ASAP1: variants seen among roughly 807,000 people sequenced by gnomAD.
ASAP1 encodes the protein arf-GAP with SH3 domain, ANK repeat and PH domain-containing protein 1.
A neutral mutation model predicts 145.2 loss-of-function variants in ASAP1; 43 were observed. That is an observed-to-expected ratio of 0.30 (90% CI 0.23 to 0.38). The LOEUF (loss-of-function observed/expected upper bound fraction) is 0.38. ASAP1 is among the 10% of genes least tolerant of loss of function. The pLI is 1.00. For synonymous variants in ASAP1, 546 were observed against 515.5 expected (o/e 1.06, Z -0.80); for missense variants, 1,018 against 1,355.3 (o/e 0.75, Z 3.91).
At position 130,128,251 on chromosome 8, in the gene ASAP1, C is replaced by T. The variant is rs1281924062; in HGVS notation, c.1218-161G>A. On this transcript the variant is annotated intron_variant, in intron 15 of 29. Transcript: ENST00000518721. The stretch of plus-strand genomic sequence containing the variant: ...AAAATAGCAATAAAGTGAGGAAAAA[C>T]AAAGAAATCAAACTTGAAGGAAGGT... Among the ~76,000 whole-genome samples the T allele has an allele frequency of 8.6e-5, 10 of 115,848 alleles. No homozygotes were observed. The Admixed American group carries it at 9.7e-4, about 11-fold the overall frequency. The allele number at this position is 115,848 out of a possible 152,430, so 76.0% of individuals were successfully genotyped here.
intron 3 of ASAP1, among the ~76,000 whole-genome samples, chr8:130,279,680 T>C (rs529610692): frequency 1.2e-4 from 18 of 152,222 alleles, no homozygotes; most frequent in Non-Finnish European, 1.9e-4. Context: ...TCTTTCTCTA[T>C]TGTAAAAATA....
Position 130,112,517 on chromosome 8 carries a change from T to C in ASAP1, c.2173-195A>G, listed in dbSNP as rs1227685478. On this transcript the variant is annotated intron_variant, in intron 23 of 29. Transcript: ENST00000518721. The stretch of plus-strand genomic sequence containing the variant: ...TCTAGATACCACACTTTCATATCGT[T>C]CACCACTATGAATAATCACACTAGT... The C allele has an allele frequency of 1.8e-5, 10 of 543,216 alleles. No individual in the cohort carries two copies. The East Asian group carries it at 2.8e-4, about 15-fold the overall frequency. 33.6% of individuals were successfully genotyped at this position (543,216 alleles called of 1,614,324 possible). A position where few individuals can be genotyped will look rare whatever the true frequency, so the allele number is the denominator to read the frequency against.
At chr8:130,305,893 A>C (rs1422916733) in intron 3 of ASAP1, among the ~76,000 whole-genome samples, 3 of 152,176 alleles carry the variant, frequency 2.0e-5, no homozygotes, top group Admixed American at 2.0e-4. Context: ...TAGTGCCAAG[A>C]ACTTCACATC....
intron 3 of ASAP1, among the ~76,000 whole-genome samples, chr8:130,309,384 A>T (rs1251982288): frequency 6.6e-6 from 1 of 152,232 alleles, no homozygotes; most frequent in Non-Finnish European, 1.5e-5. Context: ...GCAAGGTATC[A>T]GAGAAGACTT....
At position 130,358,403 on chromosome 8, in the gene ASAP1, G is replaced by C. The variant is rs1274982261; in HGVS notation, c.60-260C>G. ...GCGCGCGAGGCAGGGGGCTCTCCGG[G>C]ACCCGCCTCCCTCTGCTCATGCCGG... On this transcript the variant is annotated intron_variant, in intron 2 of 29. Coordinates refer to ENST00000518721, the MANE Select transcript of ASAP1 (RefSeq NM_018482.4). The surrounding 1 kb of genome is among the most constrained non-coding windows in gnomAD (Gnocchi z 4.1). Among the ~76,000 whole-genome samples, 3 of 148,346 alleles carry C rather than the reference G, an allele frequency of 2.0e-5. No individual in the cohort carries two copies. Among genetic ancestry groups the C allele is most frequent in the East Asian group, 3.9e-4 (2 of 5,102 alleles).
chr8:130,296,279 G>C (rs555443311), intron 3 of ASAP1, among the ~76,000 whole-genome samples: 140 of 152,330 alleles, frequency 9.2e-4, no homozygotes, highest in Non-Finnish European at 1.6e-3. Flanking sequence ...ACCAGAAAAA[G>C]TAGATGTTTG....
At chr8:130,359,453 A>G (rs532509522) in intron 2 of ASAP1, among the ~76,000 whole-genome samples, 28 of 152,262 alleles carry the variant, frequency 1.8e-4, no homozygotes, top group East Asian at 9.6e-4. Flanking sequence ...AGAAGAAGAA[A>G]AAAAAAGCTA....
At chr8:130,220,133 C>CAAGAATGAAATAATAT (rs1320263888) in intron 4 of ASAP1, among the ~76,000 whole-genome samples, 2 of 151,970 alleles carry the variant, frequency 1.3e-5, no homozygotes, top group African/African-American at 4.8e-5. Context: ...TCAGTTCAAA[C>CAAGAATGAAATAATAT]AAGAATGAAA....
At chr8:130,115,574 G>T in intron 23 of ASAP1, 54 bp downstream of exon 23, 1 of 1,369,096 alleles carries the variant, frequency 7.3e-7, no homozygotes, top group South Asian at 1.2e-5. Context: ...TGTCTACACA[G>T]ACTAGAAAAG....
chr8:130,093,769 C>G (rs761752370), intron 24 of ASAP1, among the ~76,000 whole-genome samples: 6 of 145,270 alleles, frequency 4.1e-5, no homozygotes, highest in African/African-American at 7.5e-5. Flanking sequence ...TCCAAAAGAG[C>G]TTTATACACT....
chr8:130,342,836 C>G (rs188806098), intron 3 of ASAP1, among the ~76,000 whole-genome samples: 1 of 152,158 alleles, frequency 6.6e-6, no homozygotes, highest in Non-Finnish European at 1.5e-5. Context: ...GGTTGCCCCC[C>G]ACCCTACACC....
At chr8:130,267,349 G>A (rs931852907) in intron 3 of ASAP1, among the ~76,000 whole-genome samples, 1 of 152,130 alleles carries the variant, frequency 6.6e-6, no homozygotes, top group African/African-American at 2.4e-5. Flanking sequence ...GGAATAAATG[G>A]TATGTTGTGA....
At chr8:130,096,375 A>G (rs1020063477) in intron 24 of ASAP1, among the ~76,000 whole-genome samples, 2 of 152,186 alleles carry the variant, frequency 1.3e-5, no homozygotes, top group Non-Finnish European at 2.9e-5. Context: ...ATCAAACGCA[A>G]CACAAAAAAG....
chr8:130,355,125 T>C (rs778521083), intron 3 of ASAP1, among the ~76,000 whole-genome samples: 2 of 152,080 alleles, frequency 1.3e-5, no homozygotes, highest in Non-Finnish European at 2.9e-5. Context: ...GTGATCCACC[T>C]GCCTCAGCCT....
chr8:130,181,829 T>C (rs965778803), intron 7 of ASAP1, among the ~76,000 whole-genome samples: 4 of 152,236 alleles, frequency 2.6e-5, no homozygotes, highest in Non-Finnish European at 5.9e-5. Flanking sequence ...GGACTTCTAA[T>C]TTCAGAAACA....
intron 13 of ASAP1, among the ~76,000 whole-genome samples, chr8:130,147,953 T>A (rs2097636404): frequency 6.6e-6 from 1 of 152,238 alleles, no homozygotes; most frequent in Admixed American, 6.5e-5. Flanking sequence ...TAAGTGTTAA[T>A]CATAAGGGCA....
intron 1 of ASAP1, among the ~76,000 whole-genome samples, chr8:130,431,727 C>A (rs1282653826): frequency 1.3e-5 from 2 of 151,852 alleles, no homozygotes; most frequent in African/African-American, 4.8e-5. Context: ...GGCCCCCATT[C>A]ATATGAGAGG....
intron 3 of ASAP1, among the ~76,000 whole-genome samples, chr8:130,286,402 TCAC>T (rs1821614727): frequency 6.6e-6 from 1 of 152,212 alleles, no homozygotes; most frequent in Non-Finnish European, 1.5e-5. Context: ...TTTAAGTCCA[TCAC>T]TTACTTTGAT....
intron 17 of ASAP1, 88 bp downstream of exon 17, chr8:130,125,868 A>G: frequency 1.5e-6 from 2 of 1,334,208 alleles, no homozygotes; most frequent in Non-Finnish European, 2.0e-6. Flanking sequence ...CTTTGTACTC[A>G]GCAGACATAC....
Sources: gnomAD v4.1 joint callset for allele counts (sites outside exome capture counted in the v4.1 genomes callset) on GRCh38, gnomAD v4.1.1 for gene constraint, Gnocchi (gnomAD v3.1) non-coding constraint, MANE v1.5 for transcripts, NCBI Gene and HGNC (gene_info 2026-07-23, HGNC 2026-07-21) for gene names.